Variants in OTOP1 observed in about 807,000 individuals in gnomAD.
The protein encoded by OTOP1 is otopetrin 1, also known as proton channel OTOP1.
Under a neutral mutation model 52.9 loss-of-function variants are expected in OTOP1, and 59 were observed. The observed-to-expected ratio is 1.12, with a 90% confidence interval of 0.91 to 1.39. The LOEUF is 1.39. Ranked by LOEUF, OTOP1 falls within the 40% of genes most tolerant of loss-of-function variation. The probability of loss-of-function intolerance (pLI) is 0.00; values close to 1 mark genes in which losing one functional copy is unlikely to be tolerated. For missense variants in OTOP1, 761 were observed against 800.9 expected, an observed-to-expected ratio of 0.95 and a Z score of 0.60; for synonymous variants, 317 against 337.7, an observed-to-expected ratio of 0.94 and a Z score of 0.67.
At chr4:4,189,505 T>C (rs1716457074) in intron 5 of OTOP1, among the ~76,000 whole-genome samples, 1 of 152,188 alleles carries the variant, frequency 6.6e-6, no homozygotes, top group Non-Finnish European at 1.5e-5. Flanking sequence ...CTCCACTCCC[T>C]GGCTGTGGCA....
intron 5 of OTOP1, among the ~76,000 whole-genome samples, chr4:4,194,169 A>G (rs1716572845): frequency 6.6e-6 from 1 of 152,232 alleles, no homozygotes; most frequent in South Asian, 2.1e-4. Context: ...AGCCTGGGCA[A>G]CAGAGCAAGA....
chr4:4,219,768 G>T (rs1717235676), intron 1 of OTOP1, among the ~76,000 whole-genome samples: 1 of 147,210 alleles, frequency 6.8e-6, no homozygotes, highest in South Asian at 2.1e-4. Context: ...AACAGTTTTT[G>T]CTTTATATAT....
At chr4:4,224,245 G>T (rs1232165632) in intron 1 of OTOP1, among the ~76,000 whole-genome samples, 1 of 151,974 alleles carries the variant, frequency 6.6e-6, no homozygotes, top group African/African-American at 2.4e-5. Flanking sequence ...TACTTGGGAG[G>T]CTGAGGCAGG....
intron 5 of OTOP1, among the ~76,000 whole-genome samples, chr4:4,195,067 A>G (rs1051197381): frequency 3.3e-5 from 5 of 152,104 alleles, no homozygotes; most frequent in African/African-American, 1.2e-4. Context: ...ATTCCAAAAC[A>G]CAAATCTGAG....
intron 2 of OTOP1, among the ~76,000 whole-genome samples, chr4:4,208,584 A>T (rs1387417297): frequency 6.6e-6 from 1 of 152,220 alleles, no homozygotes; most frequent in African/African-American, 2.4e-5. Context: ...TCAAACTCAT[A>T]AAGACAGAAA....
chr4:4,201,966 G>C lies in OTOP1; in HGVS notation c.730+482C>G, dbSNP rs1716798452. On this transcript the variant is annotated intron_variant, in intron 4 of 5. Transcript: ENST00000296358. ...TAGGAACAAGGTGGAACAGACATGA[G>C]CTAGAATTATAAGCCAATACAGTTA... Among the ~76,000 whole-genome samples, 4 of 152,182 alleles carry C rather than the reference G, an allele frequency of 2.6e-5. No individual in the cohort carries two copies. The South Asian group carries it at 8.3e-4, about 32-fold the overall frequency.
chr4:4,221,043 C>CTATTCTATTT (rs1717290269), intron 1 of OTOP1, among the ~76,000 whole-genome samples: 18 of 129,476 alleles, frequency 1.4e-4, no homozygotes, highest in Admixed American at 2.4e-4. Flanking sequence ...TTATTTTATT[C>CTATTCTATTT]TATTTTATTT....
chr4:4,204,403 A>G (rs1716852511), intron 3 of OTOP1, among the ~76,000 whole-genome samples: 2 of 152,060 alleles, frequency 1.3e-5, no homozygotes, highest in African/African-American at 4.8e-5. Flanking sequence ...TCTTTTACTC[A>G]TAATGCACAC....
intron 1 of OTOP1, among the ~76,000 whole-genome samples, chr4:4,214,950 T>C (rs1368739971): frequency 6.6e-6 from 1 of 152,126 alleles, no homozygotes; most frequent in African/African-American, 2.4e-5. Flanking sequence ...TTTATGTATA[T>C]AAGTGCATGT....
At chr4:4,207,854 G>C (rs1283044142) in intron 2 of OTOP1, among the ~76,000 whole-genome samples, 1 of 152,172 alleles carries the variant, frequency 6.6e-6, no homozygotes, top group Non-Finnish European at 1.5e-5. Context: ...CATTACAGAT[G>C]ATTTTGAGGG....
At chr4:4,215,845 G>A (rs1717135464) in intron 1 of OTOP1, among the ~76,000 whole-genome samples, 1 of 152,044 alleles carries the variant, frequency 6.6e-6, no homozygotes, top group African/African-American at 2.4e-5. Context: ...CCAGGCTGGA[G>A]TGCAGTGGCA....
At chr4:4,216,964 G>C (rs1392977791) in intron 1 of OTOP1, among the ~76,000 whole-genome samples, 1 of 152,200 alleles carries the variant, frequency 6.6e-6, no homozygotes, top group African/African-American at 2.4e-5. Flanking sequence ...TTCTGATTCA[G>C]CAGGTGTGGA....
intron 3 of OTOP1, among the ~76,000 whole-genome samples, chr4:4,203,871 T>C (rs964863478): frequency 4.6e-5 from 7 of 152,236 alleles, no homozygotes; most frequent in African/African-American, 1.7e-4. Context: ...CCTGCCTGGC[T>C]GGGTGGGGCA....
At chr4:4,210,909 A>T (rs1338873688) in intron 2 of OTOP1, among the ~76,000 whole-genome samples, 1 of 151,488 alleles carries the variant, frequency 6.6e-6, no homozygotes, top group Non-Finnish European at 1.5e-5. Flanking sequence ...ATTTCCTCTA[A>T]ACGACCCCAT....
At chr4:4,220,108 T>A (rs1227835254) in intron 1 of OTOP1, among the ~76,000 whole-genome samples, 7 of 134,586 alleles carry the variant, frequency 5.2e-5, no homozygotes, top group East Asian at 2.2e-4. Flanking sequence ...TATATATATT[T>A]TTTTTTTTTT....
At chr4:4,217,096 G>A (rs1258270223) in intron 1 of OTOP1, among the ~76,000 whole-genome samples, 1 of 152,130 alleles carries the variant, frequency 6.6e-6, no homozygotes, top group Non-Finnish European at 1.5e-5. Context: ...AAGGGTTCAG[G>A]AATAAATACT....
intron 5 of OTOP1, among the ~76,000 whole-genome samples, chr4:4,192,236 C>T (rs1716525498): frequency 6.6e-6 from 1 of 152,166 alleles, no homozygotes; most frequent in South Asian, 2.1e-4. Flanking sequence ...CCTGAGACGT[C>T]ATGCTGGAGA....
chr4:4,222,645 T>G (rs773586463), intron 1 of OTOP1, among the ~76,000 whole-genome samples: 2 of 152,152 alleles, frequency 1.3e-5, no homozygotes, highest in Non-Finnish European at 2.9e-5. Context: ...ATGCATGGAG[T>G]TAAGCAAGAC....
chr4:4,212,837 G>A (rs200406355), intron 2 of OTOP1, 31 bp downstream of exon 2: 84 of 1,611,598 alleles, frequency 5.2e-5, no homozygotes, highest in Non-Finnish European at 6.5e-5. Flanking sequence ...TCATAGGAAT[G>A]AGACAATATA....
Sources: gnomAD v4.1 joint callset for allele counts (sites outside exome capture counted in the v4.1 genomes callset) on GRCh38, gnomAD v4.1.1 for gene constraint, MANE v1.5 for transcripts, NCBI Gene and HGNC (gene_info 2026-07-23, HGNC 2026-07-21) for gene names.